The following USP25 variants were observed in gnomAD, a reference collection of about 807,000 sequenced individuals.
The protein encoded by USP25 is ubiquitin specific peptidase 25, also known as ubiquitin carboxyl-terminal hydrolase 25.
Under a neutral mutation model 158.5 loss-of-function variants are expected in USP25, and 85 were observed. The observed-to-expected ratio is 0.54, with a 90% CI of 0.45 to 0.64. The LOEUF (loss-of-function observed/expected upper bound fraction) is 0.64. Among genes scored for constraint, USP25 ranks in the 30% least tolerant of loss-of-function variants. USP25 has a pLI of 0.00. For missense variants in USP25, 1,242 were observed against 1,327.3 expected (o/e 0.94, Z 1.00); for synonymous variants, 464 against 460.4 (o/e 1.01, Z -0.10).
At chr21:15,783,686 A>G (rs550949587) in intron 4 of USP25, among the ~76,000 whole-genome samples, 98 of 152,002 alleles carry the variant, frequency 6.4e-4, no homozygotes, top group Non-Finnish European at 1.3e-3. Context: ...GGCCGGGCGC[A>G]GTGGCTGATG....
chr21:15,806,176 G>T (rs565111251), intron 7 of USP25, among the ~76,000 whole-genome samples: 1 of 151,992 alleles, frequency 6.6e-6, no homozygotes, highest in Non-Finnish European at 1.5e-5. Flanking sequence ...TTTCTTACTC[G>T]CTCTGTCATG....
At chr21:15,829,191 A>G (rs2037677460) in intron 14 of USP25, among the ~76,000 whole-genome samples, 4 of 152,000 alleles carry the variant, frequency 2.6e-5, no homozygotes, top group African/African-American at 7.3e-5. Context: ...TCAGGGGTAC[A>G]TGTGCAGGTT....
intron 20 of USP25, among the ~76,000 whole-genome samples, chr21:15,854,995 A>G (rs915500118): frequency 4.6e-5 from 7 of 152,232 alleles, no homozygotes; most frequent in Non-Finnish European, 8.8e-5. Flanking sequence ...GAGGAAAGCA[A>G]TACAAAGTTA....
chr21:15,798,448 T>C (rs957332181), intron 5 of USP25, among the ~76,000 whole-genome samples: 11 of 151,228 alleles, frequency 7.3e-5, no homozygotes, highest in Non-Finnish European at 1.5e-4. Flanking sequence ...TTTTCTTTTT[T>C]CCTGTGATTT....
intron 1 of USP25, among the ~76,000 whole-genome samples, chr21:15,748,887 T>G (rs1426397338): frequency 6.6e-6 from 1 of 152,230 alleles, no homozygotes; most frequent in Non-Finnish European, 1.5e-5. Flanking sequence ...TGGAAGTAAA[T>G]TTTATTTCTG....
chr21:15,849,783 A>G lies in USP25; in HGVS notation c.2458A>G (p.Met820Val). 1 of 1,533,996 alleles carries G rather than the reference A, an allele frequency of 6.5e-7. No homozygotes were observed. Residue 820 changes from methionine to valine, a missense_variant, in exon 20 of 26, where the codon ATG becomes GTG. By Grantham distance (21) the Met-to-Val change is conservative. Transcript: ENST00000400183. The part of the protein sequence containing the change: ...KEGGYDDEIM[M>V]TPNMQGIIMA... Reference sequence around the variant, plus strand: ...TAACTATCTTCTGTGGCAGATCATGATGACACCGAACATGCAAGGTATTAT... The same window carrying G: ...TAACTATCTTCTGTGGCAGATCATGGTGACACCGAACATGCAAGGTATTAT...
intron 4 of USP25, among the ~76,000 whole-genome samples, chr21:15,789,213 G>A (rs934953240): frequency 1.1e-4 from 16 of 152,056 alleles, no homozygotes; most frequent in African/African-American, 3.6e-4. Context: ...TGCCAATCAA[G>A]TGGTGTATAT....
intron 4 of USP25, among the ~76,000 whole-genome samples, chr21:15,786,855 A>T (rs1268590281): frequency 6.6e-6 from 1 of 152,120 alleles, no homozygotes; most frequent in African/African-American, 2.4e-5. Flanking sequence ...ATATGATCTT[A>T]AATATAGAAA....
At chr21:15,777,444 T>C (rs2034721461) in intron 3 of USP25, among the ~76,000 whole-genome samples, 1 of 152,206 alleles carries the variant, frequency 6.6e-6, no homozygotes, top group Non-Finnish European at 1.5e-5. Flanking sequence ...TTCTGAAACA[T>C]CAGTTTTTAA....
At chr21:15,815,516 G>T (rs898917548) in intron 9 of USP25, among the ~76,000 whole-genome samples, 7 of 152,190 alleles carry the variant, frequency 4.6e-5, no homozygotes, top group Non-Finnish European at 4.4e-5. Flanking sequence ...AGCCACAGGG[G>T]CGGAGCTGCC....
In USP25 at chr21:15,766,705, T is replaced by G. The variant is rs563314925; in HGVS notation, c.268+564T>G. The stretch of plus-strand genomic sequence containing the variant: ...TGGAAGATTCTATGTGGGACTTAAG[T>G]TTTTCTTCATAATATGAATACTTTA... On this transcript the variant is annotated intron_variant, in intron 3 of 25. Coordinates refer to ENST00000400183, the MANE Select transcript of USP25 (RefSeq NM_001283041.3). The surrounding 1 kb of genome is among the most constrained non-coding windows in gnomAD (Gnocchi z 4.0). 1.3e-5 allele frequency among the ~76,000 whole-genome samples: 2 copies of G among 152,158 alleles called. No homozygotes were observed. The highest frequency in any genetic ancestry group is 3.9e-4 in the East Asian group (2 of 5,180).
chr21:15,746,123 A>G (rs2032538405), intron 1 of USP25, among the ~76,000 whole-genome samples: 1 of 152,172 alleles, frequency 6.6e-6, no homozygotes, highest in Admixed American at 6.5e-5. Flanking sequence ...GTGAATGTAA[A>G]TTCTTCAACT....
chr21:15,733,368 A>G (rs1264765321), intron 1 of USP25, among the ~76,000 whole-genome samples: 2 of 152,212 alleles, frequency 1.3e-5, no homozygotes, highest in Non-Finnish European at 2.9e-5. Context: ...GATGAATGAA[A>G]TAAGTGACTG....
chr21:15,771,552 C>T (rs1440769401), intron 3 of USP25, among the ~76,000 whole-genome samples: 1 of 152,132 alleles, frequency 6.6e-6, no homozygotes, highest in Non-Finnish European at 1.5e-5. Flanking sequence ...CTTGTTGAAG[C>T]TGAATGAGCG....
chr21:15,855,292 G>T (rs547732097), intron 20 of USP25, among the ~76,000 whole-genome samples: 1 of 151,876 alleles, frequency 6.6e-6, no homozygotes. Context: ...CCTACTTGCC[G>T]TAACTTTATC....
intron 1 of USP25, among the ~76,000 whole-genome samples, chr21:15,760,107 C>T (rs2123383715): frequency 6.6e-6 from 1 of 152,330 alleles, no homozygotes; most frequent in East Asian, 1.9e-4. Context: ...ATAGCAGAAC[C>T]CTGATTTCAT....
At chr21:15,865,308 T>A (rs1219383260) in intron 21 of USP25, among the ~76,000 whole-genome samples, 1 of 152,158 alleles carries the variant, frequency 6.6e-6, no homozygotes, top group Admixed American at 6.5e-5. Context: ...TCATTGTAAT[T>A]TTAATTCTGA....
chr21:15,849,198 C>CT (rs1174071288), intron 19 of USP25, among the ~76,000 whole-genome samples: 4 of 152,114 alleles, frequency 2.6e-5, no homozygotes, highest in Admixed American at 2.6e-4. Context: ...TTAACACTAT[C>CT]TTTTTTGCAA....
intron 11 of USP25, among the ~76,000 whole-genome samples, chr21:15,824,422 G>A (rs900120731): frequency 6.6e-5 from 10 of 152,120 alleles, no homozygotes; most frequent in Non-Finnish European, 1.2e-4. Flanking sequence ...ATACCATTTT[G>A]TATTATCTAC....
Sources: allele counts gnomAD v4.1 joint callset (sites outside exome capture counted in the v4.1 genomes callset), GRCh38; gene constraint gnomAD v4.1.1; non-coding constraint Gnocchi (gnomAD v3.1); transcripts MANE v1.5; gene names NCBI Gene and HGNC (gene_info 2026-07-23, HGNC 2026-07-21).